The following GIPC3 variants were observed in gnomAD, a reference collection of about 807,000 sequenced individuals.
GIPC3 encodes the protein PDZ domain-containing protein GIPC3.
Under a neutral mutation model 27.3 loss-of-function variants are expected in GIPC3, and 16 were observed. That is an observed-to-expected ratio of 0.59 (90% CI 0.40 to 0.89). The LOEUF (loss-of-function observed/expected upper bound fraction) is 0.89. Among genes scored for constraint, GIPC3 ranks in the 40% least tolerant of loss-of-function variants. GIPC3 has a pLI of 0.00. For missense variants in GIPC3, 440 were observed against 442.1 expected (o/e 1.00, Z 0.04); for synonymous variants, 194 against 184.6 (o/e 1.05, Z -0.41).
intron 1 of GIPC3, 114 bp from the exon 2 acceptor site, chr19:3,586,381 C>A: frequency 1.1e-6 from 1 of 940,230 alleles, no homozygotes; most frequent in Non-Finnish European, 1.7e-6. Flanking sequence ...CACGCCCTGC[C>A]CTTTCCCATG....
In GIPC3 at chr19:3,586,668, C is replaced by A; in HGVS notation, c.399C>A (p.Tyr133Ter). 6.2e-7 allele frequency: 1 copy of A among 1,606,786 alleles called. No homozygotes were observed. The highest frequency in any genetic ancestry group is 8.5e-7 in the Non-Finnish European group (1 of 1,175,226). Residue 133 changes from tyrosine (Y) to a stop codon, truncating the protein, a stop_gained, in exon 2 of 6, where the codon TAC becomes TAA. Coordinates refer to ENST00000644452, the MANE Select transcript of GIPC3 (RefSeq NM_133261.3). LOFTEE classifies it high-confidence loss of function. ...GLTITDNGAG[Y>*]AFIKRIKEGS... ...CCATCACGGACAACGGGGCTGGCTA[C>A]GCCTTCATCAAGGTGCCCGGGAGGG... is the stretch of plus-strand genomic sequence containing the variant.
In GIPC3 at chr19:3,586,947, A is replaced by C. The variant is rs904746365; in HGVS notation, c.545A>C (p.Lys182Thr). 4 of 1,613,204 alleles carry C rather than the reference A, an allele frequency of 2.5e-6. No individual in the cohort carries two copies. The Admixed American group carries it at 6.7e-5, about 27-fold the overall frequency. ...EVAKMLRELP[K>T]SQPFTLRLVQ... ...GCCAAGATGCTCCGGGAGCTGCCCA[A>C]GTCCCAGCCCTTCACCCTGCGCCTG... Residue 182 changes from lysine to threonine, a missense_variant, in exon 3 of 6, where the codon AAG (lysine) becomes ACG (threonine). Physicochemically the swap from Lys to Thr is moderately conservative, Grantham distance 78 (BLOSUM62 -1). Transcript: ENST00000644452.
chr19:3,589,420 A>G, intron 3 of GIPC3, 23 bp from the exon 4 acceptor site: 2 of 1,569,880 alleles, frequency 1.3e-6, no homozygotes, highest in Non-Finnish European at 1.8e-6. Context: ...ACCCATGGCC[A>G]TCCCTCACTC....
At chr19:3,586,147 T>C (rs1450089986) in intron 1 of GIPC3, among the ~76,000 whole-genome samples, 1 of 152,036 alleles carries the variant, frequency 6.6e-6, no homozygotes, top group Non-Finnish European at 1.5e-5. Flanking sequence ...GTAGCTGGGG[T>C]CTGGGGTTCC....
chr19:3,591,095 C>A lies in GIPC3; in HGVS notation c.*905C>A. The A allele has an allele frequency of 3.2e-6, 4 of 1,233,278 alleles. No homozygotes were observed. The highest frequency in any genetic ancestry group is 4.0e-6 in the Non-Finnish European group (4 of 988,778). 76.4% of individuals were successfully genotyped at this position (1,233,278 alleles called of 1,614,324 possible). Reference sequence around the variant, plus strand: ...TTCAGGCCACATCTGAAGCCAAGCCCAGCTCTAGAACTCAGGTCAGCCCTG... The same window carrying A: ...TTCAGGCCACATCTGAAGCCAAGCCAAGCTCTAGAACTCAGGTCAGCCCTG... On this transcript the variant is annotated 3_prime_UTR_variant, in exon 6 of 6. Coordinates refer to ENST00000644452, the MANE Select transcript of GIPC3 (RefSeq NM_133261.3).
At position 3,589,825 on chromosome 19, in the gene GIPC3, C is replaced by G. The variant is rs761135287; in HGVS notation, c.706-6C>G. 9.3e-6 allele frequency: 15 copies of G among 1,613,564 alleles called. No homozygotes were observed. Among genetic ancestry groups the G allele is most frequent in the Non-Finnish European group, 3.4e-6 (4 of 1,179,940 alleles). Reference sequence around the variant, plus strand: ...CACCCCTGACTTCCCTCCCGTGTGCCCCCAGCCCAGTGAGTTTGAGGAGGA... The same window carrying G: ...CACCCCTGACTTCCCTCCCGTGTGCGCCCAGCCCAGTGAGTTTGAGGAGGA... On this transcript the variant is annotated splice_region_variant and splice_polypyrimidine_tract_variant and intron_variant, in intron 4 of 5. Coordinates refer to ENST00000644452, the MANE Select transcript of GIPC3 (RefSeq NM_133261.3).
intron 3 of GIPC3, among the ~76,000 whole-genome samples, chr19:3,588,130 A>T (rs2032410927): frequency 6.6e-6 from 1 of 151,772 alleles, no homozygotes; most frequent in African/African-American, 2.4e-5. Context: ...TCAGCCTCCC[A>T]ACTAGCTGGG....
At position 3,586,536 on chromosome 19, in the gene GIPC3, G is replaced by A. The variant is rs773745568; in HGVS notation, c.267G>A (p.Gln89=). Reference sequence around the variant, plus strand: ...TCAACAGCCACAAAGTGGACATGCAGAAGCTCCTGGGGGGTCAGATAGGCC... The same window carrying A: ...TCAACAGCCACAAAGTGGACATGCAAAAGCTCCTGGGGGGTCAGATAGGCC... ...CTLNSHKVDM[Q]KLLGGQIGLE... Residue 89 remains glutamine, a synonymous_variant, in exon 2 of 6, where the codon CAG becomes CAA. Coordinates refer to ENST00000644452, the MANE Select transcript of GIPC3 (RefSeq NM_133261.3). 1.9e-6 allele frequency: 3 copies of A among 1,613,934 alleles called. No homozygotes were observed. Among genetic ancestry groups the A allele is most frequent in the Middle Eastern group, 1.6e-4 (1 of 6,062 alleles).
At position 3,588,049 on chromosome 19, in the gene GIPC3, G is replaced by A. The variant is rs540210644; in HGVS notation, c.592+1055G>A. 1.4e-3 allele frequency among the ~76,000 whole-genome samples: 211 copies of A among 151,938 alleles called. 2 individuals carry two copies. The highest frequency in any genetic ancestry group is 8.3e-3 in the South Asian group (40 of 4,812). On this transcript the variant is annotated intron_variant, in intron 3 of 5. Coordinates refer to ENST00000644452, the MANE Select transcript of GIPC3 (RefSeq NM_133261.3). ...GACGGAGTTTTGCTCTTGTTGCCCA[G>A]GCTGGAGTGCAATGGTGTGATCTCG... is the stretch of plus-strand genomic sequence containing the variant.
At chr19:3,587,019 C>G (rs758976277) in intron 3 of GIPC3, 25 bp downstream of exon 3, 12 of 1,600,228 alleles carry the variant, frequency 7.5e-6, no homozygotes, top group African/African-American at 2.7e-5. Flanking sequence ...CTGGCGGGAG[C>G]TCTTCCCGAA....
chr19:3,591,197 T>C lies in GIPC3; in HGVS notation c.*1007T>C. 8.1e-7 allele frequency: 1 copy of C among 1,232,370 alleles called. No homozygotes were observed. Among genetic ancestry groups the C allele is most frequent in the South Asian group, 4.1e-5 (1 of 24,388 alleles). 76.3% of individuals were successfully genotyped at this position (1,232,370 alleles called of 1,614,324 possible). On this transcript the variant is annotated 3_prime_UTR_variant, in exon 6 of 6. Coordinates refer to ENST00000644452, the MANE Select transcript of GIPC3 (RefSeq NM_133261.3). Reference sequence around the variant, plus strand: ...TTGAGACCAAGCCCTGTTCTAGAACTCAGGCCACCTCTGAGGCCAAACCCA... The same window carrying C: ...TTGAGACCAAGCCCTGTTCTAGAACCCAGGCCACCTCTGAGGCCAAACCCA...
Position 3,585,489 on chromosome 19 carries a change from C to A in GIPC3, c.-109C>A. 1.0e-6 allele frequency: 1 copy of A among 989,774 alleles called. No homozygotes were observed. Among genetic ancestry groups the A allele is most frequent in the Non-Finnish European group, 1.2e-6 (1 of 817,718 alleles). The allele number at this position is 989,774 out of a possible 1,614,324, so 61.3% of individuals were successfully genotyped here. Reference sequence around the variant, plus strand: ...GGCTCGGGTTCCCAGATCCCCTTACCCGGGCGTCTCGGCTGTCGCGCCCTG... The same window carrying A: ...GGCTCGGGTTCCCAGATCCCCTTACACGGGCGTCTCGGCTGTCGCGCCCTG... On this transcript the variant is annotated 5_prime_UTR_variant, in exon 1 of 6. Transcript: ENST00000644452.
chr19:3,585,673 GA>G lies in GIPC3; in HGVS notation c.77del (p.Glu26GlyfsTer71). On this transcript the variant is annotated frameshift_variant, in exon 1 of 6. Transcript: ENST00000644452. LOFTEE classifies it high-confidence loss of function. ...RASAPPPAPS[E>X]PPAAPRARPR... ...GTCTGCGCCCCCGCCCGCGCCCTCG[GA>G]GCCCCCGGCCGCGCCCCGCGCCCGC... 7.7e-7 allele frequency: 1 copy of G among 1,304,840 alleles called. No individual in the cohort carries two copies. The highest frequency in any genetic ancestry group is 9.8e-7 in the Non-Finnish European group (1 of 1,023,490). The allele number at this position is 1,304,840 out of a possible 1,614,324, so 80.8% of individuals were successfully genotyped here.
At position 3,591,314 on chromosome 19, in the gene GIPC3, C is replaced by T; in HGVS notation, c.*1124C>T. Reference sequence around the variant, plus strand: ...AGCACATCTCTAGAATCCAGCTGAGCCCTGACAACAAGCCAAACTCTGGAA... The same window carrying T: ...AGCACATCTCTAGAATCCAGCTGAGTCCTGACAACAAGCCAAACTCTGGAA... On this transcript the variant is annotated 3_prime_UTR_variant, in exon 6 of 6. Coordinates refer to ENST00000644452, the MANE Select transcript of GIPC3 (RefSeq NM_133261.3). The T allele has an allele frequency of 1.4e-5, 17 of 1,232,544 alleles. No homozygotes were observed. Among genetic ancestry groups the T allele is most frequent in the East Asian group, 3.2e-5 (1 of 31,722 alleles). The allele number at this position is 1,232,544 out of a possible 1,614,324, so 76.4% of individuals were successfully genotyped here.
Position 3,590,176 on chromosome 19 carries a change from G to T in GIPC3, c.925G>T (p.Glu309Ter). 6.2e-7 allele frequency: 1 copy of T among 1,602,020 alleles called. No individual in the cohort carries two copies. The highest frequency in any genetic ancestry group is 8.5e-7 in the Non-Finnish European group (1 of 1,175,272). The change falls in exon 6 of 6, where the codon GAG becomes TAG. Residue 309 changes from glutamate (E) to a stop codon, truncating the protein, a stop_gained. Transcript: ENST00000644452. LOFTEE classifies it high-confidence loss of function. The part of the protein sequence containing the change: ...EVWAAIGEAR[E>*]ACG ...GTGGGCCGCCATCGGCGAGGCCAGAGAGGCCTGTGGCTAGTTTGCCCTGGG... is the reference window on the plus strand; with the variant it reads ...GTGGGCCGCCATCGGCGAGGCCAGATAGGCCTGTGGCTAGTTTGCCCTGGG...
intron 3 of GIPC3, among the ~76,000 whole-genome samples, chr19:3,587,270 T>TTGTTTG (rs1555704292): frequency 6.0e-5 from 9 of 150,978 alleles, no homozygotes; most frequent in African/African-American, 2.2e-4. Flanking sequence ...GGAGACTTGT[T>TTGTTTG]TTTGTTTGTT....
At chr19:3,587,406 C>A (rs1271973695) in intron 3 of GIPC3, among the ~76,000 whole-genome samples, 2 of 152,054 alleles carry the variant, frequency 1.3e-5, no homozygotes, top group African/African-American at 4.8e-5. Context: ...CTCAGCCTCC[C>A]GAGTAGCTGG....
intron 3 of GIPC3, among the ~76,000 whole-genome samples, chr19:3,587,641 G>GA (rs1461016313): frequency 7.0e-6 from 1 of 143,406 alleles, no homozygotes; most frequent in Non-Finnish European, 1.5e-5. Flanking sequence ...GAGAATATGA[G>GA]AAAAAAGTTT....
rs1245174902 is a variant in GIPC3 at position 3,592,530 on chromosome 19, C to G, written c.*2340C>G. On this transcript the variant is annotated 3_prime_UTR_variant, in exon 6 of 6. Transcript: ENST00000644452. Reference sequence around the variant, plus strand: ...AAGAATTCAGCTCAGCCCTGGAGCTCATCTTAGCTCCAGAACCCAGTCCAG... The same window carrying G: ...AAGAATTCAGCTCAGCCCTGGAGCTGATCTTAGCTCCAGAACCCAGTCCAG... 4.9e-6 allele frequency: 6 copies of G among 1,212,978 alleles called. No homozygotes were observed. In the Admixed American group the frequency reaches 2.3e-4, roughly 46 times the overall value. 75.1% of individuals were successfully genotyped at this position (1,212,978 alleles called of 1,614,324 possible).
Sources: allele counts gnomAD v4.1 joint callset (sites outside exome capture counted in the v4.1 genomes callset), GRCh38; gene constraint gnomAD v4.1.1; transcripts MANE v1.5; gene names NCBI Gene and HGNC (gene_info 2026-07-23, HGNC 2026-07-21).